Variants in MTMR3 observed in about 807,000 individuals in gnomAD.
The protein encoded by MTMR3 is phosphatidylinositol-3,5-bisphosphate 3-phosphatase MTMR3.
A neutral mutation model predicts 132.4 loss-of-function variants in MTMR3; 32 were observed. The observed-to-expected ratio is 0.24, with a 90% confidence interval of 0.18 to 0.32. The LOEUF (loss-of-function observed/expected upper bound fraction) is 0.32, where lower values mean the gene tolerates loss of function less well. MTMR3 is among the 10% of genes least tolerant of loss of function. The pLI is 1.00. For synonymous variants in MTMR3, 556 were observed against 550.3 expected (o/e 1.01, Z -0.14); for missense variants, 1,216 against 1,489.6 (o/e 0.82, Z 3.02).
At chr22:29,934,362 A>G (rs544188983) in intron 1 of MTMR3, among the ~76,000 whole-genome samples, 3 of 152,212 alleles carry the variant, frequency 2.0e-5, no homozygotes, top group Non-Finnish European at 4.4e-5. Context: ...TCAAAGAGAA[A>G]AAAAAAATTA....
chr22:30,016,767 T>G (rs967896246), intron 15 of MTMR3, 69 bp downstream of exon 15: 3 of 1,497,366 alleles, frequency 2.0e-6, no homozygotes, highest in Non-Finnish European at 2.7e-6. Flanking sequence ...TATGAGAGCC[T>G]TTTTGAGTAG....
intron 1 of MTMR3, among the ~76,000 whole-genome samples, chr22:29,929,841 C>G (rs2065606121): frequency 6.6e-6 from 1 of 152,112 alleles, no homozygotes; most frequent in Non-Finnish European, 1.5e-5. Context: ...TGGAAATGCT[C>G]AACTCTTTTT....
In MTMR3 at chr22:30,020,881, G is replaced by C. The variant is rs1164644745; in HGVS notation, c.3222G>C (p.Glu1074Asp). ...ACTTTAATGGAGACTTTGGGGATGA[G>C]GTGGTGAGTAGGCTGTGGTATTCCT... ...SLHFNGDFGD[E>D]VTSIPDSESN... The change falls in exon 17 of 20, where the codon GAG becomes GAC. Residue 1074 changes from glutamate to aspartate, a missense_variant. Physicochemically the swap from Glu to Asp is conservative, Grantham distance 45. Transcript: ENST00000401950. 4 of 1,582,356 alleles carry C rather than the reference G, an allele frequency of 2.5e-6. No homozygotes were observed. Among genetic ancestry groups the C allele is most frequent in the Non-Finnish European group, 3.4e-6 (4 of 1,162,588 alleles).
intron 1 of MTMR3, among the ~76,000 whole-genome samples, chr22:29,936,431 G>A (rs1335839063): frequency 1.3e-5 from 2 of 152,136 alleles, no homozygotes; most frequent in East Asian, 3.9e-4. Context: ...AGTAATGCAG[G>A]GCAAGTAGAC....
At chr22:29,977,576 T>C (rs1408582897) in intron 3 of MTMR3, among the ~76,000 whole-genome samples, 1 of 152,194 alleles carries the variant, frequency 6.6e-6, no homozygotes, top group Non-Finnish European at 1.5e-5. Flanking sequence ...TACTTTTTCT[T>C]AGAAATTGTT....
intron 2 of MTMR3, among the ~76,000 whole-genome samples, chr22:29,966,331 C>G (rs568005693): frequency 6.6e-6 from 1 of 152,244 alleles, no homozygotes; most frequent in Non-Finnish European, 1.5e-5. Context: ...TAATAGATGT[C>G]TCAGCTTATA....
intron 1 of MTMR3, among the ~76,000 whole-genome samples, chr22:29,916,110 C>G (rs7291902): frequency 6.6e-6 from 1 of 152,108 alleles, no homozygotes; most frequent in African/African-American, 2.4e-5. Flanking sequence ...CAACGTTAGG[C>G]TTGTTTTTAT....
chr22:29,897,557 A>T (rs553194098), intron 1 of MTMR3, among the ~76,000 whole-genome samples: 1 of 151,898 alleles, frequency 6.6e-6, no homozygotes, highest in East Asian at 1.9e-4. Flanking sequence ...GGTTCAAGTG[A>T]TTCTTGTGCC....
intron 1 of MTMR3, among the ~76,000 whole-genome samples, chr22:29,893,138 C>T (rs2064829943): frequency 6.6e-6 from 1 of 152,170 alleles, no homozygotes; most frequent in Admixed American, 6.5e-5. Context: ...TATTTATTTA[C>T]ACATGTAAAT....
intron 15 of MTMR3, chr22:30,016,952 G>T: frequency 2.5e-6 from 1 of 403,070 alleles, no homozygotes; most frequent in Non-Finnish European, 4.4e-6. Flanking sequence ...CCCTAGACAT[G>T]AATCTTTTTT....
chr22:29,986,680 T>A, intron 5 of MTMR3: 2 of 789,674 alleles, frequency 2.5e-6, no homozygotes, highest in Non-Finnish European at 3.1e-6. Context: ...TTTTTGTTTT[T>A]GAGATGGAGT....
chr22:29,973,686 G>A (rs1338286311), intron 3 of MTMR3, among the ~76,000 whole-genome samples: 2 of 151,988 alleles, frequency 1.3e-5, no homozygotes, highest in East Asian at 1.9e-4. Context: ...TGCAACCTCC[G>A]CCTCCTGGGT....
rs11326857 is a variant in MTMR3 at position 29,970,497 on chromosome 22, C to CTTTTTTTT, written c.-84-458_-84-451dup. 1.6e-3 allele frequency among the ~76,000 whole-genome samples: 92 copies of CTTTTTTTT among 57,778 alleles called. 3 individuals carry two copies. Among genetic ancestry groups the CTTTTTTTT allele is most frequent in the African/African-American group, 6.9e-3 (88 of 12,696 alleles). 37.9% of individuals were successfully genotyped at this position (57,778 alleles called of 152,430 possible). On this transcript the variant is annotated intron_variant, in intron 2 of 19. Coordinates refer to ENST00000401950, the MANE Select transcript of MTMR3 (RefSeq NM_021090.4). ...TACAGGCATGTGCTGCCATGACCAGCTTTTTTTTTTTTTTTTTTTTTTTTT... is the reference window on the plus strand; with the variant it reads ...TACAGGCATGTGCTGCCATGACCAGCTTTTTTTTTTTTTTTTTTTTTTTTTTTTTTTTT...
At chr22:29,973,409 C>T (rs1425617573) in intron 3 of MTMR3, among the ~76,000 whole-genome samples, 1 of 152,202 alleles carries the variant, frequency 6.6e-6, no homozygotes, top group Non-Finnish European at 1.5e-5. Flanking sequence ...TACCCCTACC[C>T]TTTTGGCAAT....
intron 1 of MTMR3, among the ~76,000 whole-genome samples, chr22:29,936,363 C>T (rs1023426968): frequency 1.2e-4 from 19 of 152,068 alleles, no homozygotes; most frequent in African/African-American, 4.6e-4. Flanking sequence ...TTTTTGCTTC[C>T]TTGTTCTTAT....
At chr22:29,981,009 A>G (rs537105188) in intron 5 of MTMR3, 3 of 152,348 alleles carry the variant, frequency 2.0e-5, no homozygotes, top group African/African-American at 7.2e-5. Flanking sequence ...TTTTCGGCCC[A>G]GGAACTTCTG....
chr22:30,022,258 G>A (rs2145980370), intron 18 of MTMR3, 119 bp downstream of exon 18: 1 of 770,404 alleles, frequency 1.3e-6, no homozygotes, highest in East Asian at 2.7e-5. Flanking sequence ...AGCTAGCCCT[G>A]AGCCTCTGGC....
Position 30,012,533 on chromosome 22 carries a change from C to T in MTMR3, c.1287C>T (p.Leu429=). The change falls in exon 13 of 20, where the codon CTC becomes CTT. Residue 429 remains leucine, a synonymous_variant. Coordinates refer to ENST00000401950, the MANE Select transcript of MTMR3 (RefSeq NM_021090.4). ...CCCAGATTGTGGCATTGGCTAAGCT[C>T]TTGCTGGACCCTTATTACCGAACCA... is the stretch of plus-strand genomic sequence containing the variant. The part of the protein sequence containing the change: ...RTPQIVALAK[L]LLDPYYRTIE... 1 of 1,613,278 alleles carries T rather than the reference C, an allele frequency of 6.2e-7. No homozygotes were observed. Among genetic ancestry groups the T allele is most frequent in the Non-Finnish European group, 8.5e-7 (1 of 1,179,850 alleles).
intron 1 of MTMR3, among the ~76,000 whole-genome samples, chr22:29,908,962 TTTTTC>T (rs200894829): frequency 0.082 from 11,872 of 145,590 alleles, 489 homozygotes; most frequent in Middle Eastern, 0.13. Flanking sequence ...AATATGTTAA[TTTTTC>T]TTTTCTTTTC....
Sources: gnomAD v4.1 joint callset for allele counts (sites outside exome capture counted in the v4.1 genomes callset) on GRCh38, gnomAD v4.1.1 for gene constraint, MANE v1.5 for transcripts, NCBI Gene and HGNC (gene_info 2026-07-23, HGNC 2026-07-21) for gene names.